The following ARHGAP10 variants were observed in gnomAD, a reference collection of about 807,000 sequenced individuals.
ARHGAP10 encodes rho GTPase-activating protein 10.
ARHGAP10 carries 87 observed loss-of-function variants against 108.6 expected under a neutral mutation model. The ratio of observed to expected loss-of-function variants is 0.80; its 90% CI spans 0.67 to 0.96. The LOEUF is 0.96. Ranked by LOEUF, ARHGAP10 falls within the 40% of genes least tolerant of loss-of-function variation. The pLI, the probability that ARHGAP10 is intolerant of heterozygous loss-of-function variation, is 0.00. For synonymous variants in ARHGAP10, 347 were observed against 341.1 expected (o/e 1.02, Z -0.19); for missense variants, 939 against 954.5 (o/e 0.98, Z 0.21).
At chr4:147,843,514 C>CT (rs1179459132) in intron 3 of ARHGAP10, among the ~76,000 whole-genome samples, 5 of 151,592 alleles carry the variant, frequency 3.3e-5, no homozygotes, top group Non-Finnish European at 5.9e-5. Context: ...AGCTGAACTC[C>CT]TTTTTTTTCT....
intron 1 of ARHGAP10, among the ~76,000 whole-genome samples, chr4:147,766,761 A>G (rs1372245129): frequency 6.9e-6 from 1 of 145,086 alleles, no homozygotes; most frequent in South Asian, 2.1e-4. Context: ...ATTCATGCAT[A>G]TATATTTTGA....
intron 19 of ARHGAP10, among the ~76,000 whole-genome samples, chr4:148,043,724 ATATATATATGTG>A (rs2149678120): frequency 7.5e-6 from 1 of 133,974 alleles, no homozygotes; most frequent in South Asian, 2.2e-4. Flanking sequence ...TGCATTTTTC[ATATATATATGTG>A]TATATATATG....
intron 18 of ARHGAP10, among the ~76,000 whole-genome samples, chr4:147,973,438 A>G (rs766262844): frequency 9.2e-5 from 14 of 152,260 alleles, no homozygotes; most frequent in Non-Finnish European, 1.9e-4. Context: ...TATGGGGTAC[A>G]TGAGATATTT....
intron 1 of ARHGAP10, among the ~76,000 whole-genome samples, chr4:147,809,581 A>T (rs951841006): frequency 1.3e-4 from 20 of 152,310 alleles, no homozygotes; most frequent in African/African-American, 4.8e-4. Flanking sequence ...ACAGCTGGTC[A>T]CTGGTGACAC....
intron 3 of ARHGAP10, among the ~76,000 whole-genome samples, chr4:147,838,801 A>G (rs1017321036): frequency 2.0e-5 from 3 of 152,246 alleles, no homozygotes; most frequent in Non-Finnish European, 4.4e-5. Flanking sequence ...TGAGCTTTAT[A>G]AAATTACTGA....
intron 18 of ARHGAP10, among the ~76,000 whole-genome samples, chr4:147,970,497 A>G (rs993925909): frequency 6.6e-6 from 1 of 152,198 alleles, no homozygotes; most frequent in African/African-American, 2.4e-5. Context: ...TGTCACTGAC[A>G]GTGGCTCTGA....
chr4:147,993,759 C>G (rs1045199222), intron 18 of ARHGAP10, among the ~76,000 whole-genome samples: 2 of 152,192 alleles, frequency 1.3e-5, no homozygotes, highest in Non-Finnish European at 2.9e-5. Flanking sequence ...TTTACCTATT[C>G]CATTCACAGT....
At chr4:147,978,545 T>G (rs887008178) in intron 18 of ARHGAP10, among the ~76,000 whole-genome samples, 2 of 152,134 alleles carry the variant, frequency 1.3e-5, no homozygotes, top group Non-Finnish European at 2.9e-5. Flanking sequence ...GGTTTAAAAG[T>G]GTGTGGCACT....
At chr4:147,995,609 C>G (rs1181412447) in intron 18 of ARHGAP10, among the ~76,000 whole-genome samples, 1 of 152,168 alleles carries the variant, frequency 6.6e-6, no homozygotes, top group African/African-American at 2.4e-5. Flanking sequence ...GTCAGCCTTA[C>G]AATACAGACC....
intron 1 of ARHGAP10, among the ~76,000 whole-genome samples, chr4:147,813,749 A>T (rs10030416): frequency 0.014 from 2,078 of 152,320 alleles, 59 homozygotes; most frequent in African/African-American, 0.048. Context: ...AGTTGCTCAC[A>T]TGTTTTCCTG....
At chr4:147,991,145 TAA>T (rs575585774) in intron 18 of ARHGAP10, among the ~76,000 whole-genome samples, 38 of 128,852 alleles carry the variant, frequency 2.9e-4, no homozygotes, top group Non-Finnish European at 2.3e-4. Flanking sequence ...CCCCTGAACC[TAA>T]AAAAAAAAAA....
intron 1 of ARHGAP10, among the ~76,000 whole-genome samples, chr4:147,746,436 C>T (rs1239347043): frequency 6.9e-6 from 1 of 145,880 alleles, no homozygotes; most frequent in Non-Finnish European, 1.5e-5. Context: ...GAGTTTTGCT[C>T]TTTGCCCAGG....
intron 1 of ARHGAP10, among the ~76,000 whole-genome samples, chr4:147,735,351 A>T (rs766617118): frequency 6.6e-5 from 10 of 152,252 alleles, no homozygotes; most frequent in Admixed American, 3.3e-4. Flanking sequence ...CAAGTATTCT[A>T]ACTTTTCCAG....
intron 13 of ARHGAP10, among the ~76,000 whole-genome samples, chr4:147,930,476 T>C (rs150501048): frequency 1.3e-5 from 2 of 152,358 alleles, no homozygotes; most frequent in East Asian, 3.9e-4. Flanking sequence ...GCTGAAAAGA[T>C]AAGAAAGAAC....
chr4:147,781,304 A>G (rs946354257), intron 1 of ARHGAP10, among the ~76,000 whole-genome samples: 1 of 152,166 alleles, frequency 6.6e-6, no homozygotes, highest in African/African-American at 2.4e-5. Context: ...AGATTGTGCC[A>G]GAAACTATTG....
chr4:148,050,365 CTTTTTTTTTTTTTT>C (rs11309245), intron 20 of ARHGAP10, among the ~76,000 whole-genome samples: 1 of 59,300 alleles, frequency 1.7e-5, no homozygotes, highest in Non-Finnish European at 3.3e-5. Context: ...TCATCATCAT[CTTTTTTTTTTTTTT>C]TTTTTTTTTT....
intron 12 of ARHGAP10, among the ~76,000 whole-genome samples, chr4:147,910,876 G>A (rs141593137): frequency 1.2e-3 from 189 of 152,182 alleles, no homozygotes; most frequent in Non-Finnish European, 1.8e-3. Context: ...TTGTAGCCTG[G>A]CACTGGTGAT....
At chr4:147,878,022 C>T (rs371348656) in intron 8 of ARHGAP10, among the ~76,000 whole-genome samples, 5 of 150,262 alleles carry the variant, frequency 3.3e-5, no homozygotes, top group South Asian at 2.1e-4. Context: ...CTGCAACTTC[C>T]GCCTCCTGGG....
intron 1 of ARHGAP10, among the ~76,000 whole-genome samples, chr4:147,748,486 A>G (rs6828600): frequency 0.16 from 24,620 of 152,156 alleles, 2,931 homozygotes; most frequent in African/African-American, 0.34. Flanking sequence ...TATACTTACA[A>G]TTTTCCTAAG....
Sources: allele counts gnomAD v4.1 joint callset (sites outside exome capture counted in the v4.1 genomes callset), GRCh38; gene constraint gnomAD v4.1.1; transcripts MANE v1.5; gene names NCBI Gene and HGNC (gene_info 2026-07-23, HGNC 2026-07-21).